Variants in ZFHX3 observed in about 807,000 individuals in gnomAD.
ZFHX3 encodes the protein zinc finger homeobox 3.
Under a neutral mutation model 279.1 loss-of-function variants are expected in ZFHX3, and 42 were observed. The ratio of observed to expected loss-of-function variants is 0.15; its 90% CI spans 0.12 to 0.19. ZFHX3 has a LOEUF of 0.19. Ranked by LOEUF, ZFHX3 falls within the 10% of genes least tolerant of loss-of-function variation. ZFHX3 has a pLI of 1.00. For missense variants in ZFHX3, 4,981 were observed against 4,754.0 expected (o/e 1.05, Z -1.40); for synonymous variants, 2,293 against 1,957.8 (o/e 1.17, Z -4.52).
chr16:73,026,096 G>A (rs551058227), intron 1 of ZFHX3, among the ~76,000 whole-genome samples: 16 of 146,884 alleles, frequency 1.1e-4, no homozygotes, highest in African/African-American at 2.5e-4. Context: ...CTTGTAATCC[G>A]AGCACTTAGG....
chr16:73,335,030 T>C (rs1194347863), intron 3 of ZFHX3, among the ~76,000 whole-genome samples: 1 of 152,030 alleles, frequency 6.6e-6, no homozygotes, highest in Non-Finnish European at 1.5e-5. Flanking sequence ...AATTAGCAAA[T>C]GTAGAACCAA....
intron 2 of ZFHX3, among the ~76,000 whole-genome samples, chr16:73,567,218 G>GAGCTCCTTACTGATTACATCTGC (rs1439295967): frequency 6.6e-6 from 1 of 152,000 alleles, no homozygotes; most frequent in South Asian, 2.1e-4. Flanking sequence ...ATTTCATCTG[G>GAGCTCCTTACTGATTACATCTGC]AGCTCCTTAC....
At chr16:73,848,691 T>A (rs943928765) in intron 1 of ZFHX3, among the ~76,000 whole-genome samples, 3 of 152,230 alleles carry the variant, frequency 2.0e-5, no homozygotes, top group African/African-American at 7.2e-5. Flanking sequence ...ACCTCCTCAA[T>A]GCATTCATTC....
chr16:73,194,128 C>G (rs1490709742), intron 5 of ZFHX3, among the ~76,000 whole-genome samples: 1 of 152,180 alleles, frequency 6.6e-6, no homozygotes. Flanking sequence ...TCCAACCCAT[C>G]CATGGAATTG....
At chr16:73,276,356 G>T (rs1236114539) in intron 4 of ZFHX3, among the ~76,000 whole-genome samples, 2 of 151,518 alleles carry the variant, frequency 1.3e-5, no homozygotes, top group African/African-American at 4.8e-5. Context: ...CTAATTTTTG[G>T]TATTTTTAGT....
intron 5 of ZFHX3, among the ~76,000 whole-genome samples, chr16:73,145,484 T>A (rs1458995297): frequency 6.6e-6 from 1 of 152,242 alleles, no homozygotes; most frequent in Non-Finnish European, 1.5e-5. Context: ...ATTGGAAACC[T>A]GCCAGTCTCA....
chr16:73,760,501 C>T (rs967781438), intron 1 of ZFHX3, among the ~76,000 whole-genome samples: 1 of 150,164 alleles, frequency 6.7e-6, no homozygotes, highest in Non-Finnish European at 1.5e-5. Context: ...AACCTGGCAG[C>T]ATCATCCTGA....
At chr16:73,071,279 T>G (rs533716097) in intron 8 of ZFHX3, among the ~76,000 whole-genome samples, 67 of 151,942 alleles carry the variant, frequency 4.4e-4, no homozygotes, top group African/African-American at 1.4e-3. Context: ...AAACATGCTT[T>G]CTTTCTTTAT....
rs34987461 is a variant in ZFHX3, at chr16:73,004,321, CTT to C, written c.-50+43429_-50+43430del. ...TTTTTCTCTATCTGTATGCATCAAT[CTT>C]TTTTTTTTTTTTTTTTTTTTTTTGA... On this transcript the variant is annotated intron_variant, in intron 1 of 9. Coordinates refer to ENST00000268489, the MANE Select transcript of ZFHX3 (RefSeq NM_006885.4). 7.4e-3 allele frequency among the ~76,000 whole-genome samples: 383 copies of C among 52,074 alleles called. 1 individual carries two copies. The highest frequency in any genetic ancestry group is 0.028 in the Middle Eastern group (1 of 36). 34.2% of individuals were successfully genotyped at this position (52,074 alleles called of 152,430 possible).
At chr16:73,354,467 C>T (rs1292394342) in intron 3 of ZFHX3, among the ~76,000 whole-genome samples, 1 of 152,226 alleles carries the variant, frequency 6.6e-6, no homozygotes, top group Non-Finnish European at 1.5e-5. Context: ...CTGCCCAGCT[C>T]TGTGCTGGGG....
intron 3 of ZFHX3, among the ~76,000 whole-genome samples, chr16:73,379,575 A>G (rs1415143552): frequency 6.6e-6 from 1 of 152,206 alleles, no homozygotes; most frequent in African/African-American, 2.4e-5. Context: ...ATGTGTATAG[A>G]GTATGCAAAG....
chr16:73,149,138 T>C (rs1966884668), intron 5 of ZFHX3, among the ~76,000 whole-genome samples: 1 of 148,526 alleles, frequency 6.7e-6, no homozygotes, highest in African/African-American at 2.4e-5. Context: ...ATTAATATTA[T>C]AGACTATTAT....
intron 4 of ZFHX3, among the ~76,000 whole-genome samples, chr16:73,262,774 G>A (rs922020248): frequency 1.3e-5 from 2 of 152,120 alleles, no homozygotes; most frequent in African/African-American, 4.8e-5. Context: ...ATTGTAAGGG[G>A]TCTTTGAGTT....
intron 1 of ZFHX3, among the ~76,000 whole-genome samples, chr16:73,817,686 G>A (rs767434508): frequency 6.6e-6 from 1 of 152,170 alleles, no homozygotes; most frequent in African/African-American, 2.4e-5. Context: ...CCTCCTCCCT[G>A]GAGACGAGCA....
At chr16:73,214,700 A>G (rs753821489) in intron 5 of ZFHX3, among the ~76,000 whole-genome samples, 6 of 152,212 alleles carry the variant, frequency 3.9e-5, no homozygotes, top group Non-Finnish European at 8.8e-5. Flanking sequence ...CATGGGGGGA[A>G]GCTCAAGACA....
At chr16:73,604,798 A>G (rs894290324) in intron 2 of ZFHX3, among the ~76,000 whole-genome samples, 1 of 151,184 alleles carries the variant, frequency 6.6e-6, no homozygotes, top group Non-Finnish European at 1.5e-5. Flanking sequence ...TCTGTGCCCC[A>G]TGCTAAACAG....
chr16:72,803,651 C>T (rs1416090125), intron 7 of ZFHX3, among the ~76,000 whole-genome samples: 1 of 152,192 alleles, frequency 6.6e-6, no homozygotes, highest in African/African-American at 2.4e-5. Context: ...GGTGACAGTA[C>T]AAATCAGCCC....
intron 2 of ZFHX3, among the ~76,000 whole-genome samples, chr16:73,577,107 G>C (rs1014969534): frequency 6.6e-6 from 1 of 152,160 alleles, no homozygotes; most frequent in Non-Finnish European, 1.5e-5. Context: ...TGATTGCTGA[G>C]TATGTGAACA....
intron 2 of ZFHX3, among the ~76,000 whole-genome samples, chr16:73,494,877 G>T (rs2019114033): frequency 6.6e-6 from 1 of 152,056 alleles, no homozygotes; most frequent in Non-Finnish European, 1.5e-5. Flanking sequence ...AAAACTACGT[G>T]TTTAAGAGGG....
Sources: allele counts gnomAD v4.1 joint callset (sites outside exome capture counted in the v4.1 genomes callset), GRCh38; gene constraint gnomAD v4.1.1; transcripts MANE v1.5; gene names NCBI Gene and HGNC (gene_info 2026-07-23, HGNC 2026-07-21).